The following TMEM131 variants were observed in gnomAD, a reference collection of about 807,000 sequenced individuals.
TMEM131 encodes the protein transmembrane protein 131.
A neutral mutation model predicts 211.6 loss-of-function variants in TMEM131; 66 were observed. The ratio of observed to expected loss-of-function variants is 0.31; its 90% CI spans 0.26 to 0.38. The LOEUF (loss-of-function observed/expected upper bound fraction) is 0.38. Among genes scored for constraint, TMEM131 ranks in the 10% least tolerant of loss-of-function variants. The probability of loss-of-function intolerance (pLI) is 1.00; values close to 1 mark genes in which losing one functional copy is unlikely to be tolerated. For synonymous variants in TMEM131, 844 were observed against 841.3 expected (o/e 1.00, Z -0.06); for missense variants, 2,036 against 2,299.3 (o/e 0.89, Z 2.34).
intron 1 of TMEM131, among the ~76,000 whole-genome samples, chr2:97,936,350 C>T (rs1029305061): frequency 2.0e-5 from 3 of 152,208 alleles, no homozygotes; most frequent in African/African-American, 2.4e-5. Context: ...TCTGCCTGTG[C>T]TCAGAAGAAA....
At chr2:97,842,466 T>C (rs374682028) in intron 6 of TMEM131, among the ~76,000 whole-genome samples, 7 of 152,198 alleles carry the variant, frequency 4.6e-5, no homozygotes, top group African/African-American at 1.7e-4. Flanking sequence ...CTGGGTCTCA[T>C]GAAACTTACA....
At position 97,796,992 on chromosome 2, in the gene TMEM131, C is replaced by G; in HGVS notation, c.2871-6G>C. On this transcript the variant is annotated splice_polypyrimidine_tract_variant and splice_region_variant and intron_variant, in intron 26 of 40. Coordinates refer to ENST00000186436, the MANE Select transcript of TMEM131 (RefSeq NM_015348.2). ...CCATCACAGTCAGGTTATTTCTATG[C>G]AAGAATGAGAATTACAGATTTTTCT... 4 of 1,604,264 alleles carry G rather than the reference C, an allele frequency of 2.5e-6. No homozygotes were observed. Among genetic ancestry groups the G allele is most frequent in the Non-Finnish European group, 3.4e-6 (4 of 1,176,100 alleles).
chr2:97,913,853 T>C (rs1676393602), intron 2 of TMEM131, among the ~76,000 whole-genome samples: 2 of 152,064 alleles, frequency 1.3e-5, no homozygotes, highest in Admixed American at 6.6e-5. Context: ...CAGGCGCCAT[T>C]TGAGTATTAC....
At chr2:97,919,449 T>C (rs1676646073) in intron 2 of TMEM131, among the ~76,000 whole-genome samples, 1 of 152,198 alleles carries the variant, frequency 6.6e-6, no homozygotes, top group Non-Finnish European at 1.5e-5. Flanking sequence ...TTCAGTAAAT[T>C]TTATTATATA....
At position 97,927,412 on chromosome 2, in the gene TMEM131, T is replaced by A; in HGVS notation, c.249+14A>T. ...AAGGCTTAACAATAACTTGTCTACT[T>A]AAAAAAAAATTACCTGTAGTAGCCC... is the stretch of plus-strand genomic sequence containing the variant. On this transcript the variant is annotated intron_variant, in intron 2 of 40. Transcript: ENST00000186436. 6.4e-7 allele frequency: 1 copy of A among 1,561,154 alleles called. No homozygotes were observed. Among genetic ancestry groups the A allele is most frequent in the African/African-American group, 1.4e-5 (1 of 73,142 alleles).
intron 2 of TMEM131, chr2:97,911,687 T>C: frequency 1.0e-6 from 1 of 982,766 alleles, no homozygotes; most frequent in Non-Finnish European, 1.2e-6. Context: ...GAAATAAAGT[T>C]AGAAAATCAG....
At chr2:97,920,047 G>A (rs1403259269) in intron 2 of TMEM131, among the ~76,000 whole-genome samples, 1 of 152,196 alleles carries the variant, frequency 6.6e-6, no homozygotes, top group Non-Finnish European at 1.5e-5. Flanking sequence ...GACAATGAAT[G>A]AGCACAGCAG....
intron 3 of TMEM131, among the ~76,000 whole-genome samples, chr2:97,889,301 G>A (rs1330660641): frequency 6.6e-6 from 1 of 152,122 alleles, no homozygotes; most frequent in Non-Finnish European, 1.5e-5. Flanking sequence ...ACTAAAGCAT[G>A]AAACTAAAGA....
intron 1 of TMEM131, among the ~76,000 whole-genome samples, chr2:97,946,502 A>AT (rs1200906863): frequency 6.6e-6 from 1 of 151,994 alleles, no homozygotes; most frequent in Middle Eastern, 3.2e-3. Flanking sequence ...ATACGGACAA[A>AT]TTCCTTCAAA....
intron 4 of TMEM131, among the ~76,000 whole-genome samples, chr2:97,884,965 C>G (rs1214180301): frequency 2.0e-5 from 3 of 152,164 alleles, no homozygotes; most frequent in African/African-American, 7.2e-5. Flanking sequence ...GATGTTTTAT[C>G]TTTTGTTCTG....
At chr2:97,982,721 T>C (rs1424795352) in intron 1 of TMEM131, among the ~76,000 whole-genome samples, 3 of 152,200 alleles carry the variant, frequency 2.0e-5, no homozygotes, top group African/African-American at 7.2e-5. Flanking sequence ...GATTTTGAGA[T>C]GGGGAGATTA....
In TMEM131 at chr2:97,833,392, A is replaced by G; in HGVS notation, c.1047T>C (p.Asn349=). Residue 349 remains asparagine (N), a synonymous_variant, in exon 11 of 41, where the codon AAT becomes AAC. Coordinates refer to ENST00000186436, the MANE Select transcript of TMEM131 (RefSeq NM_015348.2). ...TTATTGGTACATCTTTTGTTCCTGA[A>G]TTTAATAAATGAAGGTTTAAAACTT... ...LPKVLNLHLL[N]SGTKDVPITS... The G allele has an allele frequency of 7.5e-7, 1 of 1,334,168 alleles. No homozygotes were observed. Among genetic ancestry groups the G allele is most frequent in the South Asian group, 1.3e-5 (1 of 75,258 alleles). 82.6% of individuals were successfully genotyped at this position (1,334,168 alleles called of 1,614,324 possible).
At chr2:97,836,996 T>C in intron 8 of TMEM131, 81 bp downstream of exon 8, 4 of 1,090,744 alleles carry the variant, frequency 3.7e-6, no homozygotes, top group Non-Finnish European at 5.6e-6. Context: ...GTTAAGCCTA[T>C]TAAGGAGTTA....
intron 2 of TMEM131, among the ~76,000 whole-genome samples, chr2:97,917,961 T>C (rs1361352726): frequency 6.6e-6 from 1 of 151,648 alleles, no homozygotes; most frequent in Non-Finnish European, 1.5e-5. Flanking sequence ...TTTTTTTTTT[T>C]CTTGAGACAG....
intron 22 of TMEM131, 115 bp from the exon 23 acceptor site, chr2:97,802,905 C>T: frequency 1.2e-6 from 1 of 801,648 alleles, no homozygotes; most frequent in East Asian, 2.8e-5. Context: ...CCTGAAAAAA[C>T]ACATTTATTC....
At position 97,820,780 on chromosome 2, in the gene TMEM131, C is replaced by T. The variant is rs145838658; in HGVS notation, c.1075-2059G>A. On this transcript the variant is annotated intron_variant, in intron 11 of 40. Transcript: ENST00000186436. ...GCTGAGGCAGATAACTACTTGAATC[C>T]GGGAGGCGGAGGTTGTAGTGAGCCA... 3.5e-3 allele frequency among the ~76,000 whole-genome samples: 524 copies of T among 151,668 alleles called. 7 individuals are homozygous for T. In the East Asian group the frequency reaches 0.042, roughly 12 times the overall value.
chr2:97,930,287 C>T (rs1043515966), intron 1 of TMEM131, among the ~76,000 whole-genome samples: 4 of 151,706 alleles, frequency 2.6e-5, no homozygotes, highest in Non-Finnish European at 5.9e-5. Flanking sequence ...TCCAATAGAA[C>T]GACCACTGAA....
At chr2:97,983,329 G>A (rs752511562) in intron 1 of TMEM131, among the ~76,000 whole-genome samples, 1 of 152,050 alleles carries the variant, frequency 6.6e-6, no homozygotes, top group East Asian at 1.9e-4. Context: ...AAGGGAGGAG[G>A]GTATAATGAG....
intron 1 of TMEM131, 143 bp downstream of exon 1, chr2:97,995,333 A>T: frequency 1.3e-6 from 1 of 748,370 alleles, no homozygotes; most frequent in Non-Finnish European, 1.8e-6. Flanking sequence ...GGGCGCCGCG[A>T]GGTCCCGGCT....
Sources: allele counts gnomAD v4.1 joint callset (sites outside exome capture counted in the v4.1 genomes callset), GRCh38; gene constraint gnomAD v4.1.1; transcripts MANE v1.5; gene names NCBI Gene and HGNC (gene_info 2026-07-23, HGNC 2026-07-21).